MYO5B: variants seen among roughly 807,000 people sequenced by gnomAD.
The protein encoded by MYO5B is myosin VB, also known as unconventional myosin-Vb.
A neutral mutation model predicts 229.3 loss-of-function variants in MYO5B; 143 were observed. The ratio of observed to expected loss-of-function variants is 0.62; its 90% confidence interval spans 0.54 to 0.72. MYO5B has a LOEUF of 0.72. Ranked by LOEUF, MYO5B falls within the 30% of genes least tolerant of loss-of-function variation. MYO5B has a pLI of 0.00. For synonymous variants in MYO5B, 918 were observed against 885.2 expected, an observed-to-expected ratio of 1.04 and a Z score of -0.66; for missense variants, 2,321 against 2,331.0, an observed-to-expected ratio of 1.00 and a Z score of 0.09.
chr18:50,117,260 C>T (rs1475495716), intron 1 of MYO5B, among the ~76,000 whole-genome samples: 2 of 151,902 alleles, frequency 1.3e-5, no homozygotes, highest in African/African-American at 4.8e-5. Flanking sequence ...AGAGAGGAAA[C>T]TTCAAATTCT....
At chr18:49,866,662 G>A (rs2024400492) in intron 27 of MYO5B, among the ~76,000 whole-genome samples, 1 of 152,240 alleles carries the variant, frequency 6.6e-6, no homozygotes, top group East Asian at 1.9e-4. Context: ...GAATAAGGGA[G>A]TCCCATTCCC....
chr18:49,935,695 C>T (rs1321675305), intron 16 of MYO5B, among the ~76,000 whole-genome samples: 1 of 152,162 alleles, frequency 6.6e-6, no homozygotes, highest in Admixed American at 6.5e-5. Context: ...TGAGGTCAGC[C>T]ACATGAGCAT....
chr18:50,097,637 C>T (rs143359345), intron 1 of MYO5B: 6 of 196,282 alleles, frequency 3.1e-5, no homozygotes, highest in Admixed American at 1.1e-4. Flanking sequence ...AGGCAATAAG[C>T]ATGATGGGTA....
intron 11 of MYO5B, among the ~76,000 whole-genome samples, chr18:49,962,745 T>G (rs1267427896): frequency 6.6e-6 from 1 of 151,988 alleles, no homozygotes. Flanking sequence ...TCATTTCCCC[T>G]CTCAGCACAG....
At chr18:50,059,397 A>C (rs998254951) in intron 1 of MYO5B, among the ~76,000 whole-genome samples, 1 of 152,212 alleles carries the variant, frequency 6.6e-6, no homozygotes, top group Non-Finnish European at 1.5e-5. Flanking sequence ...GGAGAGTAAC[A>C]TCTATCCAGT....
chr18:50,125,659 T>C (rs1292129362), intron 1 of MYO5B, among the ~76,000 whole-genome samples: 1 of 152,186 alleles, frequency 6.6e-6, no homozygotes, highest in African/African-American at 2.4e-5. Flanking sequence ...ATTCTACTTC[T>C]AGGAATGTAA....
chr18:50,109,603 T>G (rs1380384608), intron 1 of MYO5B, among the ~76,000 whole-genome samples: 1 of 152,026 alleles, frequency 6.6e-6, no homozygotes, highest in Non-Finnish European at 1.5e-5. Context: ...TTTTTTTGTA[T>G]TTTTAGTAGA....
At chr18:50,084,553 C>T (rs941625403) in intron 1 of MYO5B, among the ~76,000 whole-genome samples, 8 of 152,188 alleles carry the variant, frequency 5.3e-5, no homozygotes, top group African/African-American at 1.9e-4. Flanking sequence ...GACATTTGCT[C>T]TGATGGTAGT....
rs1058550 is a variant in MYO5B, at chr18:49,826,431, C to T, written c.*40G>A. 527 of 1,610,316 alleles carry T rather than the reference C, an allele frequency of 3.3e-4. No homozygotes were observed. Among genetic ancestry groups the T allele is most frequent in the Middle Eastern group, 1.2e-3 (7 of 6,076 alleles). ...CTTTACTGTATATACTTCCTTCTTG[C>T]TCACATTGGGAATCAAACTAATGCT... On this transcript the variant is annotated 3_prime_UTR_variant, in exon 40 of 40. Transcript: ENST00000285039.
chr18:49,939,271 C>A (rs2954241), intron 14 of MYO5B, among the ~76,000 whole-genome samples: 3 of 151,196 alleles, frequency 2.0e-5, no homozygotes, highest in Non-Finnish European at 2.9e-5. Flanking sequence ...TCAGTGTCCC[C>A]AGTAGCTGGG....
Position 49,823,559 on chromosome 18 carries a change from A to G in MYO5B, c.*2912T>C, listed in dbSNP as rs886053855. The stretch of plus-strand genomic sequence containing the variant: ...ATTGATGGTAGCAGTGTTGATTTTT[A>G]ACTGTTCCAAGCTCCTAGTTTTGTT... On this transcript the variant is annotated 3_prime_UTR_variant, in exon 40 of 40. Transcript: ENST00000285039. 59 of 140,650 alleles carry G rather than the reference A, an allele frequency of 4.2e-4. No individual in the cohort carries two copies. Among genetic ancestry groups the G allele is most frequent in the African/African-American group, 1.5e-3 (57 of 38,002 alleles). The allele number at this position is 140,650 out of a possible 1,614,324, so 8.7% of individuals were successfully genotyped here. A position where few individuals can be genotyped will look rare whatever the true frequency, so the allele number is the denominator to read the frequency against.
At chr18:49,930,870 T>C (rs1787593) in intron 16 of MYO5B, among the ~76,000 whole-genome samples, 88,169 of 148,568 alleles carry the variant, frequency 0.59, 26,099 homozygotes, top group Middle Eastern at 0.64. Context: ...GCAGCCTGGG[T>C]GACAGAGTGA....
rs754388113 is a variant in MYO5B at position 50,044,483 on chromosome 18, CCACT to C, written c.139-4173_139-4170del. Among the ~76,000 whole-genome samples the C allele has an allele frequency of 3.3e-5, 5 of 152,024 alleles. No homozygotes were observed. In the South Asian group the frequency reaches 1.0e-3, roughly 32 times the overall value. On this transcript the variant is annotated intron_variant, in intron 2 of 39. Coordinates refer to ENST00000285039, the MANE Select transcript of MYO5B (RefSeq NM_001080467.3). ...TTCTCACAAAATTAATACTTAGTCA[CCACT>C]CAGAGTGGACCTTGCCTCCTTTCTG...
intron 5 of MYO5B, among the ~76,000 whole-genome samples, chr18:49,998,661 G>C (rs1166947757): frequency 6.6e-6 from 1 of 152,228 alleles, no homozygotes; most frequent in Non-Finnish European, 1.5e-5. Flanking sequence ...GTATGACCAT[G>C]CAATGAAATA....
intron 1 of MYO5B, among the ~76,000 whole-genome samples, chr18:50,186,342 T>C (rs1207718736): frequency 3.3e-5 from 5 of 152,228 alleles, no homozygotes; most frequent in Admixed American, 1.3e-4. Context: ...TATGGATTGT[T>C]TCAATAATCA....
intron 1 of MYO5B, among the ~76,000 whole-genome samples, chr18:50,115,523 A>AAC (rs111340318): frequency 0.46 from 66,706 of 144,480 alleles, 15,324 homozygotes; most frequent in Admixed American, 0.59. Flanking sequence ...AAATAAATAA[A>AAC]ACACACACAC....
Position 50,111,945 on chromosome 18 carries a change from A to G in MYO5B, c.28-56567T>C, listed in dbSNP as rs185232623. The stretch of plus-strand genomic sequence containing the variant: ...ACTATGTGCCAGGCAAGCTCTGAGC[A>G]CTGGAGCAGAGAAGGAAGAGACAAG... On this transcript the variant is annotated intron_variant, in intron 1 of 39. Coordinates refer to ENST00000285039, the MANE Select transcript of MYO5B (RefSeq NM_001080467.3). 5.7e-3 allele frequency among the ~76,000 whole-genome samples: 875 copies of G among 152,300 alleles called. 3 individuals carry two copies. Among genetic ancestry groups the G allele is most frequent in the Middle Eastern group, 0.014 (4 of 294 alleles).
At chr18:49,914,931 C>A (rs80311313) in intron 17 of MYO5B, among the ~76,000 whole-genome samples, 1 of 152,104 alleles carries the variant, frequency 6.6e-6, no homozygotes, top group East Asian at 1.9e-4. Context: ...TCCAGCATTG[C>A]GGCCCTTGGG....
At chr18:50,047,202 C>CTAA (rs1439640519) in intron 2 of MYO5B, among the ~76,000 whole-genome samples, 1 of 152,060 alleles carries the variant, frequency 6.6e-6, no homozygotes, top group Non-Finnish European at 1.5e-5. Flanking sequence ...TGACAAAGGG[C>CTAA]TAATATCCAG....
Sources: allele counts gnomAD v4.1 joint callset (sites outside exome capture counted in the v4.1 genomes callset), GRCh38; gene constraint gnomAD v4.1.1; transcripts MANE v1.5; gene names NCBI Gene and HGNC (gene_info 2026-07-23, HGNC 2026-07-21).